The following SHC3 variants were observed in gnomAD, a reference collection of about 807,000 sequenced individuals.
SHC3 encodes the protein SHC-transforming protein 3.
Under a neutral mutation model 60.4 loss-of-function variants are expected in SHC3, and 15 were observed. That is an observed-to-expected ratio of 0.25 (90% CI 0.17 to 0.38). The LOEUF (loss-of-function observed/expected upper bound fraction) is 0.38, where lower values mean the gene tolerates loss of function less well. SHC3 is among the 10% of genes least tolerant of loss of function. The pLI is 1.00. For missense variants in SHC3, 677 were observed against 786.1 expected, an observed-to-expected ratio of 0.86 and a Z score of 1.66; for synonymous variants, 294 against 325.9, an observed-to-expected ratio of 0.90 and a Z score of 1.05.
intron 2 of SHC3, among the ~76,000 whole-genome samples, chr9:89,103,564 T>C (rs1447624057): frequency 6.6e-6 from 1 of 152,142 alleles, no homozygotes; most frequent in Non-Finnish European, 1.5e-5. Flanking sequence ...GATGTGGAGA[T>C]AGAGATTTGT....
Position 89,008,295 on chromosome 9 carries a change from G to A in SHC3, c.*5152C>T, listed in dbSNP as rs1300038296. On this transcript the variant is annotated 3_prime_UTR_variant, in exon 12 of 12. Coordinates refer to ENST00000375835, the MANE Select transcript of SHC3 (RefSeq NM_016848.6). ...TTCTCCACTTTTAAATTCACAGCAC[G>A]GACCCTGGGATCTGTGACATGAAGT... The A allele has an allele frequency of 1.3e-5, 2 of 152,254 alleles. No individual in the cohort carries two copies. Among genetic ancestry groups the A allele is most frequent in the East Asian group, 3.9e-4 (2 of 5,176 alleles). The allele number at this position is 152,254 out of a possible 1,614,324, so 9.4% of individuals were successfully genotyped here.
intron 1 of SHC3, among the ~76,000 whole-genome samples, chr9:89,113,862 C>T (rs1415005608): frequency 6.6e-6 from 1 of 152,194 alleles, no homozygotes; most frequent in Non-Finnish European, 1.5e-5. Flanking sequence ...AATTCCATGA[C>T]CAATGTCAGA....
intron 6 of SHC3, among the ~76,000 whole-genome samples, chr9:89,060,420 T>C (rs1825067478): frequency 6.6e-6 from 1 of 151,834 alleles, no homozygotes; most frequent in Non-Finnish European, 1.5e-5. Context: ...CACAGGATGA[T>C]CAGGGGAGGT....
chr9:89,049,215 C>A (rs1391215307), intron 7 of SHC3, among the ~76,000 whole-genome samples: 1 of 152,132 alleles, frequency 6.6e-6, no homozygotes, highest in East Asian at 1.9e-4. Flanking sequence ...GAGCCAAGAT[C>A]GCGCCACTGC....
chr9:89,126,770 A>G (rs950120365), intron 1 of SHC3, among the ~76,000 whole-genome samples: 10 of 152,168 alleles, frequency 6.6e-5, no homozygotes, highest in African/African-American at 2.4e-4. Flanking sequence ...CATTGGAAAA[A>G]GGATTTGCAA....
In SHC3 at chr9:89,038,288, T is replaced by A; in HGVS notation, c.1361A>T (p.Lys454Ile). The A allele has an allele frequency of 6.2e-7, 1 of 1,610,024 alleles. No homozygotes were observed. The highest frequency in any genetic ancestry group is 8.5e-7 in the Non-Finnish European group (1 of 1,177,900). The change falls in exon 11 of 12, where the codon AAA (lysine) becomes ATA (isoleucine). Residue 454 changes from lysine (K) to isoleucine (I), a missense_variant and splice_region_variant. Physicochemically the swap from Lys to Ile is moderately radical, Grantham distance 102 (BLOSUM62 -3). Coordinates refer to ENST00000375835, the MANE Select transcript of SHC3 (RefSeq NM_016848.6). ...GTTCTTGAGAGCATCTTCAAAAGGT[T>A]CTGTCATCAACAATATTGACCAGCA... ...SSPRKDLFDM[K>I]PFEDALKNQP...
At chr9:89,142,488 G>A (rs1039058667) in intron 1 of SHC3, among the ~76,000 whole-genome samples, 1 of 152,000 alleles carries the variant, frequency 6.6e-6, no homozygotes, top group African/African-American at 2.4e-5. Context: ...TTCAAAACCA[G>A]CCTGGCCAAC....
At chr9:89,142,190 T>C (rs908267883) in intron 1 of SHC3, among the ~76,000 whole-genome samples, 28 of 152,178 alleles carry the variant, frequency 1.8e-4, no homozygotes, top group Non-Finnish European at 3.5e-4. Flanking sequence ...ACCCCCTAAA[T>C]CTTAGGAATG....
intron 5 of SHC3, among the ~76,000 whole-genome samples, chr9:89,070,489 G>A (rs987253689): frequency 3.3e-5 from 5 of 152,150 alleles, no homozygotes; most frequent in African/African-American, 1.2e-4. Flanking sequence ...TCCCGGGAGC[G>A]GGAGGTGGTT....
In SHC3 at chr9:89,009,422, A is replaced by G. The variant is rs1171204635; in HGVS notation, c.*4025T>C. 2.0e-5 allele frequency: 3 copies of G among 152,204 alleles called. No individual in the cohort carries two copies. The East Asian group carries it at 5.8e-4, about 29-fold the overall frequency. The allele number at this position is 152,204 out of a possible 1,614,324, so 9.4% of individuals were successfully genotyped here. A position where few individuals can be genotyped will look rare whatever the true frequency, so the allele number is the denominator to read the frequency against. ...CCCACTCACTCCCAATCCTACTGTC[A>G]CCGTCCACAGAAAGGGATTTATGGA... On this transcript the variant is annotated 3_prime_UTR_variant, in exon 12 of 12. Transcript: ENST00000375835.
chr9:89,117,278 A>G (rs918444587), intron 1 of SHC3, among the ~76,000 whole-genome samples: 1 of 152,196 alleles, frequency 6.6e-6, no homozygotes, highest in African/African-American at 2.4e-5. Context: ...ACCCGGCATA[A>G]GCAAGCATAG....
chr9:89,154,122 T>G (rs906880243), intron 1 of SHC3, among the ~76,000 whole-genome samples: 19 of 152,198 alleles, frequency 1.2e-4, no homozygotes, highest in African/African-American at 4.3e-4. Flanking sequence ...CTTGGAATAG[T>G]GGTTACCCCT....
intron 2 of SHC3, among the ~76,000 whole-genome samples, chr9:89,090,290 G>C (rs1222499499): frequency 6.6e-6 from 1 of 152,210 alleles, no homozygotes; most frequent in Non-Finnish European, 1.5e-5. Context: ...CATGAGACTA[G>C]ATGCATGCAG....
intron 11 of SHC3, among the ~76,000 whole-genome samples, chr9:89,026,797 G>A (rs1353043430): frequency 6.6e-6 from 1 of 152,186 alleles, no homozygotes; most frequent in Non-Finnish European, 1.5e-5. Context: ...GAGTGAGCCT[G>A]ACCTTGAATC....
At chr9:89,090,806 G>T (rs1167704146) in intron 2 of SHC3, among the ~76,000 whole-genome samples, 1 of 152,190 alleles carries the variant, frequency 6.6e-6, no homozygotes, top group East Asian at 1.9e-4. Context: ...CTTTCCTAAA[G>T]ATTTAAGTAG....
At chr9:89,086,102 A>C (rs972791527) in intron 2 of SHC3, among the ~76,000 whole-genome samples, 1 of 152,186 alleles carries the variant, frequency 6.6e-6, no homozygotes, top group Non-Finnish European at 1.5e-5. Context: ...TACCATCATC[A>C]ATATCTCCAT....
At chr9:89,110,060 T>C (rs1383405952) in intron 2 of SHC3, 8 of 985,228 alleles carry the variant, frequency 8.1e-6, no homozygotes, top group Non-Finnish European at 9.6e-6. Flanking sequence ...ACCCAGCCAA[T>C]ACACTGAAAA....
Position 89,176,936 on chromosome 9 carries a change from T to C in SHC3, c.474+1051A>G, listed in dbSNP as rs117318285. On this transcript the variant is annotated intron_variant, in intron 1 of 11. Transcript: ENST00000375835. Reference sequence around the variant, plus strand: ...TCTATTTAATTTTTACACTGGAATCTGCAGCCAATATTTACGGAACAGACA... The same window carrying C: ...TCTATTTAATTTTTACACTGGAATCCGCAGCCAATATTTACGGAACAGACA... Among the ~76,000 whole-genome samples the C allele has an allele frequency of 4.6e-5, 7 of 152,366 alleles. No homozygotes were observed. In the East Asian group the frequency reaches 1.3e-3, roughly 29 times the overall value.
chr9:89,103,994 G>A (rs1423454089), intron 2 of SHC3, among the ~76,000 whole-genome samples: 2 of 152,146 alleles, frequency 1.3e-5, no homozygotes, highest in African/African-American at 4.8e-5. Context: ...GGTACATTTT[G>A]ACACAAATGT....
Sources: allele counts gnomAD v4.1 joint callset (sites outside exome capture counted in the v4.1 genomes callset), GRCh38; gene constraint gnomAD v4.1.1; transcripts MANE v1.5; gene names NCBI Gene and HGNC (gene_info 2026-07-23, HGNC 2026-07-21).